The following LMBR1 variants were observed in gnomAD, a reference collection of about 807,000 sequenced individuals.
LMBR1 encodes limb region 1 protein homolog.
LMBR1 carries 52 observed loss-of-function variants against 73.9 expected under a neutral mutation model. The observed-to-expected ratio is 0.70, with a 90% CI of 0.56 to 0.89. LMBR1 has a LOEUF of 0.89. Among genes scored for constraint, LMBR1 ranks in the 40% least tolerant of loss-of-function variants. LMBR1 has a pLI of 0.00. For missense variants in LMBR1, 539 were observed against 579.8 expected (o/e 0.93, Z 0.72); for synonymous variants, 215 against 209.4 (o/e 1.03, Z -0.23).
At chr7:156,807,693 T>C (rs1585930094) in intron 4 of LMBR1, among the ~76,000 whole-genome samples, 1 of 152,214 alleles carries the variant, frequency 6.6e-6, no homozygotes, top group Non-Finnish European at 1.5e-5. Flanking sequence ...TTGGGATCTA[T>C]TCGTTGACTC....
At chr7:156,686,506 A>G (rs1039605924) in intron 16 of LMBR1, among the ~76,000 whole-genome samples, 5 of 152,224 alleles carry the variant, frequency 3.3e-5, no homozygotes, top group African/African-American at 1.2e-4. Context: ...TTTTCTATGT[A>G]TAAATTGCCC....
intron 5 of LMBR1, among the ~76,000 whole-genome samples, chr7:156,773,515 T>C (rs766379464): frequency 5.9e-5 from 9 of 151,724 alleles, no homozygotes; most frequent in East Asian, 1.9e-4. Flanking sequence ...ATGGAACACA[T>C]AGATCAATAG....
At chr7:156,816,402 G>A (rs527530866) in intron 4 of LMBR1, among the ~76,000 whole-genome samples, 32 of 152,122 alleles carry the variant, frequency 2.1e-4, no homozygotes, top group African/African-American at 5.5e-4. Flanking sequence ...GATGGGAGAC[G>A]GGGTGAAGAA....
intron 1 of LMBR1, among the ~76,000 whole-genome samples, chr7:156,840,019 G>A (rs1838368118): frequency 6.6e-6 from 1 of 152,214 alleles, no homozygotes; most frequent in South Asian, 2.1e-4. Context: ...GCAATGGAGA[G>A]AAGACAGAAA....
At chr7:156,822,729 A>G (rs2133774206) in intron 4 of LMBR1, 1 of 152,342 alleles carries the variant, frequency 6.6e-6, no homozygotes, top group East Asian at 1.9e-4. Context: ...AATTGAAATG[A>G]AAAGCTGATG....
At chr7:156,863,335 T>G (rs1051243113) in intron 1 of LMBR1, among the ~76,000 whole-genome samples, 2 of 148,690 alleles carry the variant, frequency 1.3e-5, no homozygotes, top group South Asian at 4.3e-4. Flanking sequence ...AGTCTAGTCT[T>G]TTCACATTTT....
intron 5 of LMBR1, among the ~76,000 whole-genome samples, chr7:156,791,394 C>T (rs780034317): frequency 6.6e-6 from 1 of 152,322 alleles, no homozygotes; most frequent in East Asian, 1.9e-4. Flanking sequence ...GGACTTCCTA[C>T]TCACTCTGTG....
chr7:156,747,131 T>C (rs772799258), intron 9 of LMBR1, among the ~76,000 whole-genome samples: 9 of 152,182 alleles, frequency 5.9e-5, no homozygotes, highest in Non-Finnish European at 8.8e-5. Flanking sequence ...CCTTAGGTGA[T>C]TGGCAGTTCA....
At chr7:156,868,260 C>G (rs1405327636) in intron 1 of LMBR1, among the ~76,000 whole-genome samples, 5 of 149,036 alleles carry the variant, frequency 3.4e-5, no homozygotes, top group Non-Finnish European at 7.4e-5. Context: ...GGGGTGCAAT[C>G]TCGGCTCACT....
chr7:156,709,298 A>G (rs1037389416), intron 15 of LMBR1, among the ~76,000 whole-genome samples: 2 of 152,230 alleles, frequency 1.3e-5, no homozygotes, highest in African/African-American at 4.8e-5. Context: ...TGCTCCCAGG[A>G]AGGAGAAAAC....
rs1264213411 is a variant in LMBR1 at position 156,682,960 on chromosome 7, C to T, written c.*1118G>A. ...AGAGTGCAATTTCATAGTTTTTATT[C>T]AGTGGACTTAAAGCCAAGAAACCAT... On this transcript the variant is annotated 3_prime_UTR_variant, in exon 17 of 17. Coordinates refer to ENST00000353442, the MANE Select transcript of LMBR1 (RefSeq NM_022458.4). 6.6e-6 allele frequency: 1 copy of T among 152,124 alleles called. No individual in the cohort carries two copies. Among genetic ancestry groups the T allele is most frequent in the Non-Finnish European group, 1.5e-5 (1 of 68,028 alleles). 9.4% of individuals were successfully genotyped at this position (152,124 alleles called of 1,614,324 possible). A position where few individuals can be genotyped will look rare whatever the true frequency, so the allele number is the denominator to read the frequency against.
intron 5 of LMBR1, among the ~76,000 whole-genome samples, chr7:156,780,932 A>C (rs1827022393): frequency 6.6e-6 from 1 of 152,204 alleles, no homozygotes; most frequent in South Asian, 2.1e-4. Flanking sequence ...TGCTTAAAAG[A>C]AACAAGACAA....
intron 9 of LMBR1, chr7:156,736,715 C>T: frequency 2.5e-6 from 1 of 393,396 alleles, no homozygotes; most frequent in South Asian, 1.9e-5. Flanking sequence ...GATTGATATT[C>T]AATGTCTACA....
chr7:156,744,779 G>A (rs2132640633), intron 9 of LMBR1, among the ~76,000 whole-genome samples: 1 of 152,236 alleles, frequency 6.6e-6, no homozygotes, highest in East Asian at 1.9e-4. Context: ...TTACAGCTCT[G>A]GAAGTGAGAA....
intron 1 of LMBR1, 46 bp downstream of exon 1, chr7:156,892,882 C>CGG: frequency 7.3e-7 from 1 of 1,376,566 alleles, no homozygotes; most frequent in Non-Finnish European, 9.5e-7. Context: ...ACGGAGGGCC[C>CGG]GGGCGGGCAC....
intron 1 of LMBR1, among the ~76,000 whole-genome samples, chr7:156,840,742 G>C (rs2365748): frequency 6.6e-6 from 1 of 150,484 alleles, no homozygotes; most frequent in African/African-American, 2.5e-5. Flanking sequence ...GGTGGATCAC[G>C]AGGTCAGGAG....
chr7:156,821,260 T>C (rs1834751467), intron 4 of LMBR1, among the ~76,000 whole-genome samples: 1 of 152,228 alleles, frequency 6.6e-6, no homozygotes, highest in Admixed American at 6.5e-5. Flanking sequence ...CCACTCCCGC[T>C]ACGCTGCCTT....
At chr7:156,876,610 T>C (rs1800218204) in intron 1 of LMBR1, among the ~76,000 whole-genome samples, 1 of 152,162 alleles carries the variant, frequency 6.6e-6, no homozygotes, top group Non-Finnish European at 1.5e-5. Flanking sequence ...ATTGAAATTA[T>C]ACCAAGTACT....
chr7:156,694,021 C>A (rs190234964), intron 15 of LMBR1, among the ~76,000 whole-genome samples: 3 of 152,230 alleles, frequency 2.0e-5, no homozygotes, highest in Non-Finnish European at 4.4e-5. Context: ...ATGTGATATA[C>A]CACACTAGCA....
Sources: gnomAD v4.1 joint callset for allele counts (sites outside exome capture counted in the v4.1 genomes callset) on GRCh38, gnomAD v4.1.1 for gene constraint, MANE v1.5 for transcripts, NCBI Gene and HGNC (gene_info 2026-07-23, HGNC 2026-07-21) for gene names.